Variants in FGF14 observed in about 807,000 individuals in gnomAD.
FGF14 encodes the protein fibroblast growth factor homologous factor 4.
A neutral mutation model predicts 25.5 loss-of-function variants in FGF14; 5 were observed. That is an observed-to-expected ratio of 0.20 (90% CI 0.10 to 0.41). The LOEUF is 0.41. FGF14 is among the 10% of genes least tolerant of loss of function. The pLI, the probability that FGF14 is intolerant of heterozygous loss-of-function variation, is 1.00. For missense variants in FGF14, 222 were observed against 320.1 expected (o/e 0.69, Z 2.34); for synonymous variants, 138 against 118.3 (o/e 1.17, Z -1.08).
chr13:102,097,327 T>C (rs927208469), intron 1 of FGF14, among the ~76,000 whole-genome samples: 2 of 152,232 alleles, frequency 1.3e-5, no homozygotes, highest in African/African-American at 4.8e-5. Flanking sequence ...GCAGTACTTA[T>C]AAAAGCATTT....
chr13:101,820,085 C>G (rs530064308), intron 3 of FGF14, among the ~76,000 whole-genome samples: 134 of 152,060 alleles, frequency 8.8e-4, no homozygotes, highest in Non-Finnish European at 1.6e-3. Flanking sequence ...ATAAAGTTAT[C>G]AAGGGACAAG....
At chr13:101,817,744 G>A (rs576556275) in intron 3 of FGF14, among the ~76,000 whole-genome samples, 1 of 152,228 alleles carries the variant, frequency 6.6e-6, no homozygotes, top group East Asian at 1.9e-4. Flanking sequence ...AGCACTCAGG[G>A]TGCCACTAGG....
intron 1 of FGF14, among the ~76,000 whole-genome samples, chr13:102,047,300 T>C (rs544811157): frequency 1.3e-5 from 2 of 152,128 alleles, no homozygotes; most frequent in Non-Finnish European, 2.9e-5. Flanking sequence ...CTTGGCAGCT[T>C]CGAAATTTTG....
chr13:102,089,119 G>A (rs2044057264), intron 1 of FGF14, among the ~76,000 whole-genome samples: 1 of 152,158 alleles, frequency 6.6e-6, no homozygotes, highest in African/African-American at 2.4e-5. Flanking sequence ...GTTCCAGAGT[G>A]TAGGGAAAAC....
intron 1 of FGF14, among the ~76,000 whole-genome samples, chr13:102,087,400 GTAAT>G (rs1595226627): frequency 9.7e-6 from 1 of 103,582 alleles, no homozygotes; most frequent in East Asian, 2.6e-4. Context: ...AAAATAGACT[GTAAT>G]TTCTTTTTTT....
At chr13:102,350,348 T>C (rs1404714756) in intron 1 of FGF14, among the ~76,000 whole-genome samples, 1 of 149,460 alleles carries the variant, frequency 6.7e-6, no homozygotes, top group East Asian at 2.0e-4. Context: ...CACTCCAGCC[T>C]AGGTGACAGA....
At chr13:101,993,481 T>C (rs2039014680) in intron 1 of FGF14, among the ~76,000 whole-genome samples, 1 of 152,046 alleles carries the variant, frequency 6.6e-6, no homozygotes, top group Admixed American at 6.6e-5. Flanking sequence ...AACAGATTTT[T>C]CAAAATATTT....
At chr13:101,862,486 C>A (rs912533061) in intron 3 of FGF14, among the ~76,000 whole-genome samples, 2 of 151,994 alleles carry the variant, frequency 1.3e-5, no homozygotes, top group Middle Eastern at 3.2e-3. Flanking sequence ...TAGCTTCAAC[C>A]TAACAAATAA....
intron 1 of FGF14, among the ~76,000 whole-genome samples, chr13:102,271,438 T>C (rs1439567092): frequency 6.6e-6 from 1 of 152,174 alleles, no homozygotes; most frequent in African/African-American, 2.4e-5. Context: ...CACCTCCATT[T>C]TCTGTCCAGA....
intron 3 of FGF14, among the ~76,000 whole-genome samples, chr13:101,829,620 A>G (rs1036698681): frequency 1.3e-5 from 2 of 152,046 alleles, no homozygotes; most frequent in Non-Finnish European, 2.9e-5. Context: ...TAAAAAAAAA[A>G]TGTGGTTCAT....
intron 1 of FGF14, among the ~76,000 whole-genome samples, chr13:102,086,851 T>A (rs1216814221): frequency 1.3e-5 from 2 of 152,234 alleles, no homozygotes; most frequent in Non-Finnish European, 2.9e-5. Flanking sequence ...CACATAGAAC[T>A]GTGCATTAGG....
intron 2 of FGF14, among the ~76,000 whole-genome samples, chr13:101,874,255 T>C (rs866759621): frequency 3.3e-5 from 5 of 152,130 alleles, no homozygotes; most frequent in Non-Finnish European, 5.9e-5. Context: ...CTGATTTGAT[T>C]ATGTGTATTA....
intron 1 of FGF14, among the ~76,000 whole-genome samples, chr13:102,241,804 C>T (rs146611201): frequency 9.4e-4 from 143 of 152,118 alleles, no homozygotes; most frequent in African/African-American, 3.3e-3. Flanking sequence ...AATGAGAAGC[C>T]CTAAAGCTCT....
chr13:101,898,776 T>C (rs2031103433), intron 1 of FGF14, among the ~76,000 whole-genome samples: 1 of 152,106 alleles, frequency 6.6e-6, no homozygotes, highest in Non-Finnish European at 1.5e-5. Flanking sequence ...CTAGATATTT[T>C]TAAAAACAAG....
At chr13:101,866,037 T>C (rs2044684460) in intron 3 of FGF14, among the ~76,000 whole-genome samples, 1 of 152,076 alleles carries the variant, frequency 6.6e-6, no homozygotes, top group Non-Finnish European at 1.5e-5. Context: ...ACGTTTGTCA[T>C]GGCTTTTAAA....
intron 3 of FGF14, among the ~76,000 whole-genome samples, chr13:101,834,326 G>C (rs897059997): frequency 4.6e-5 from 7 of 152,006 alleles, no homozygotes; most frequent in Non-Finnish European, 7.4e-5. Context: ...TGGGTACCTT[G>C]ACTATGTCTC....
rs184182005 is a variant in FGF14, at chr13:102,189,531, C to A, written c.208+211940G>T. Among the ~76,000 whole-genome samples the A allele has an allele frequency of 4.9e-4, 74 of 152,190 alleles. 1 individual carries two copies. The East Asian group carries it at 0.013, about 27-fold the overall frequency. ...TAGAATCCCTTACAACATTTAGGAG[C>A]ACCTTTAAGTTCAAAGAGTTTGAAT... On this transcript the variant is annotated intron_variant, in intron 1 of 4. Coordinates refer to the FGF14 transcript ENST00000376131.
chr13:101,900,444 A>G (rs2031377490), intron 1 of FGF14, among the ~76,000 whole-genome samples: 1 of 152,200 alleles, frequency 6.6e-6, no homozygotes, highest in Non-Finnish European at 1.5e-5. Context: ...ACTGCATGAG[A>G]TAAAAGAGAA....
intron 1 of FGF14, among the ~76,000 whole-genome samples, chr13:102,103,278 C>G (rs1190427390): frequency 6.6e-6 from 1 of 152,120 alleles, no homozygotes; most frequent in Non-Finnish European, 1.5e-5. Context: ...AAAGAAATCT[C>G]AAGTTTCTCA....
Sources: allele counts gnomAD v4.1 joint callset (sites outside exome capture counted in the v4.1 genomes callset), GRCh38; gene constraint gnomAD v4.1.1; transcripts MANE v1.5; gene names NCBI Gene and HGNC (gene_info 2026-07-23, HGNC 2026-07-21).